RSPH14: variants seen among roughly 807,000 people sequenced by gnomAD.
RSPH14 encodes rhabdoid tumor deletion region gene 1.
Under a neutral mutation model 26.7 loss-of-function variants are expected in RSPH14, and 20 were observed. The observed-to-expected ratio is 0.75, with a 90% confidence interval of 0.53 to 1.09. The LOEUF is 1.09. RSPH14 is among the 50% of genes least tolerant of loss of function. RSPH14 has a pLI of 0.00. For missense variants in RSPH14, 449 were observed against 457.2 expected, an observed-to-expected ratio of 0.98 and a Z score of 0.16; for synonymous variants, 177 against 189.3, an observed-to-expected ratio of 0.93 and a Z score of 0.53.
chr22:23,165,423 G>T, the RSPH14 span, among the ~76,000 whole-genome samples: 4 of 152,190 alleles, frequency 2.6e-5, no homozygotes, highest in Admixed American at 2.6e-4. Flanking sequence ...CAGTGAAGGC[G>T]GTTTGGGGCT....
Position 23,116,241 on chromosome 22 carries a change from C to T in RSPH14, c.421+17785G>A, listed in dbSNP as rs187004717. Among the ~76,000 whole-genome samples, 10 of 152,352 alleles carry T rather than the reference C, an allele frequency of 6.6e-5. No individual in the cohort carries two copies. In the South Asian group the frequency reaches 1.0e-3, roughly 16 times the overall value. ...GCCTTCTGGGGGCCACTGGCCTACT[C>T]GAGGCACAGTGAGTTGTGGGAACGA... On this transcript the variant is annotated intron_variant, in intron 4 of 6. Transcript: ENST00000216036.
rs2068104332 is a variant in RSPH14 at position 23,061,917 on chromosome 22, A to G, written c.682T>C (p.Cys228Arg). 3 of 1,614,160 alleles carry G rather than the reference A, an allele frequency of 1.9e-6. No individual in the cohort carries two copies. The highest frequency in any genetic ancestry group is 1.7e-5 in the Admixed American group (1 of 60,028). The part of the protein sequence containing the change: ...SISREGKKQV[C>R]HFDVIPILVH... Reference sequence around the variant, plus strand: ...AGGATGGGGATGACGTCAAAATGACACACCTGTTTCTTGCCCTCTCGAGAT... The same window carrying G: ...AGGATGGGGATGACGTCAAAATGACGCACCTGTTTCTTGCCCTCTCGAGAT... Residue 228 changes from cysteine (C) to arginine (R), a missense_variant, in exon 6 of 7, where the codon TGT becomes CGT. Transcript: ENST00000216036.
At chr22:23,145,313 A>C (rs1601875406), upstream of RSPH14, 1 of 1,392,534 alleles carries the variant, frequency 7.2e-7, no homozygotes, top group South Asian at 1.2e-5. Context: ...CAGGGTGTCC[A>C]GGAGTCTCTC....
intron 3 of RSPH14, among the ~76,000 whole-genome samples, chr22:23,136,612 T>C (rs1260796246): frequency 7.2e-6 from 1 of 138,770 alleles, no homozygotes; most frequent in Non-Finnish European, 1.6e-5. Flanking sequence ...AAATCCTTAC[T>C]ACCATTCATT....
At chr22:23,093,070 C>A (rs1338396057) in intron 4 of RSPH14, among the ~76,000 whole-genome samples, 1 of 152,244 alleles carries the variant, frequency 6.6e-6, no homozygotes, top group East Asian at 1.9e-4. Context: ...CACAGGGTCT[C>A]CATCCTCCAT....
chr22:23,082,360 C>T (rs1376041961), intron 4 of RSPH14, among the ~76,000 whole-genome samples: 1 of 148,656 alleles, frequency 6.7e-6, no homozygotes, highest in East Asian at 2.1e-4. Flanking sequence ...TACAGGCGCA[C>T]ACCACCACAC....
intron 4 of RSPH14, among the ~76,000 whole-genome samples, chr22:23,115,523 C>T (rs928146616): frequency 6.6e-6 from 1 of 152,142 alleles, no homozygotes; most frequent in Admixed American, 6.5e-5. Flanking sequence ...GAGGGGGTCT[C>T]GGGTTGCCCA....
the RSPH14 span, chr22:23,161,520 G>C: frequency 6.2e-7 from 1 of 1,612,852 alleles, no homozygotes; most frequent in Non-Finnish European, 8.5e-7. Flanking sequence ...GAGTCCGCCC[G>C]AGACCCAGGA....
At position 23,138,843 on chromosome 22, in the gene RSPH14, C is replaced by G; in HGVS notation, c.299G>C (p.Gly100Ala). Reference protein sequence around the residue: ...VLHITASHSVGRYAFLEHDIV... With the variant: ...VLHITASHSVARYAFLEHDIV... ...GGTTTCCAGAACAGCATCCCACCTGCCCACGCTATGGCTTGCCGTGATGTG... is the reference window on the plus strand; with the variant it reads ...GGTTTCCAGAACAGCATCCCACCTGGCCACGCTATGGCTTGCCGTGATGTG... Residue 100 changes from glycine to alanine, a missense_variant, in exon 3 of 7, where the codon GGC (glycine) becomes GCC (alanine). Transcript: ENST00000216036. 4 of 1,551,274 alleles carry G rather than the reference C, an allele frequency of 2.6e-6. No individual in the cohort carries two copies. Among genetic ancestry groups the G allele is most frequent in the Non-Finnish European group, 2.6e-6 (3 of 1,146,912 alleles).
intron 4 of RSPH14, chr22:23,131,523 G>T: frequency 1.1e-6 from 1 of 883,900 alleles, no homozygotes; most frequent in Non-Finnish European, 1.6e-6. Context: ...AAAGCTGGCT[G>T]GTGGTATCCA....
At position 23,083,802 on chromosome 22, in the gene RSPH14, A is replaced by G. The variant is rs145843368; in HGVS notation, c.422-19669T>C. On this transcript the variant is annotated intron_variant, in intron 4 of 6. Coordinates refer to ENST00000216036, the MANE Select transcript of RSPH14 (RefSeq NM_014433.3). ...CCAGTCCCACTGCCGAACCAGCGGC[A>G]CACCACACCTGTTCAAGGTCGCGCG... 3.2e-3 allele frequency among the ~76,000 whole-genome samples: 484 copies of G among 152,318 alleles called. 3 individuals carry two copies. The highest frequency in any genetic ancestry group is 0.011 in the African/African-American group (458 of 41,564).
chr22:23,109,964 G>A (rs563418896), intron 4 of RSPH14, among the ~76,000 whole-genome samples: 185 of 152,344 alleles, frequency 1.2e-3, no homozygotes, highest in African/African-American at 4.1e-3. Flanking sequence ...GGAGCTCACT[G>A]AGTCATTAAC....
the RSPH14 span, among the ~76,000 whole-genome samples, chr22:23,169,689 G>A: frequency 2.0e-5 from 3 of 152,136 alleles, no homozygotes; most frequent in Middle Eastern, 3.2e-3. Context: ...CACGCTGAAG[G>A]ACCTCAGTTC....
chr22:23,152,716 A>G, the RSPH14 span, among the ~76,000 whole-genome samples: 5 of 152,170 alleles, frequency 3.3e-5, no homozygotes, highest in Non-Finnish European at 7.4e-5. Context: ...CTGGGCAGAA[A>G]TTGTGGCGTC....
chr22:23,161,424 C>T, the RSPH14 span: 3 of 1,300,280 alleles, frequency 2.3e-6, no homozygotes, highest in Non-Finnish European at 3.3e-6. Context: ...CTCTGACTGT[C>T]AGGGCCGGCA....
chr22:23,143,421 G>A (rs1464074170), upstream of RSPH14, among the ~76,000 whole-genome samples: 2 of 152,052 alleles, frequency 1.3e-5, no homozygotes, highest in Admixed American at 6.6e-5. Context: ...CTCTAGGAGC[G>A]GTACCCTCAC....
chr22:23,178,288 C>T, the RSPH14 span, among the ~76,000 whole-genome samples: 3 of 152,110 alleles, frequency 2.0e-5, no homozygotes, highest in African/African-American at 2.4e-5. Context: ...TGATGGCAGG[C>T]GCCTGTAATT....
the RSPH14 span, among the ~76,000 whole-genome samples, chr22:23,160,520 A>G: frequency 6.6e-6 from 1 of 152,246 alleles, no homozygotes; most frequent in Non-Finnish European, 1.5e-5. Flanking sequence ...GGGCAGGCAC[A>G]TATCTGTCCT....
the RSPH14 span, among the ~76,000 whole-genome samples, chr22:23,165,775 C>T: frequency 6.6e-6 from 1 of 152,136 alleles, no homozygotes; most frequent in Non-Finnish European, 1.5e-5. Context: ...GGTGGTGTGG[C>T]TCTACCTGAA....
Sources: allele counts gnomAD v4.1 joint callset (sites outside exome capture counted in the v4.1 genomes callset), GRCh38; gene constraint gnomAD v4.1.1; transcripts MANE v1.5; gene names NCBI Gene and HGNC (gene_info 2026-07-23, HGNC 2026-07-21).